Variants in LINGO2 observed in about 807,000 individuals in gnomAD.
LINGO2 encodes leucine rich repeat and Ig domain containing 2.
LINGO2 carries 14 observed loss-of-function variants against 30.6 expected under a neutral mutation model. The ratio of observed to expected loss-of-function variants is 0.46; its 90% CI spans 0.30 to 0.72. LINGO2 has a LOEUF of 0.72. Ranked by LOEUF, LINGO2 falls within the 30% of genes least tolerant of loss-of-function variation. The pLI is 0.07. For synonymous variants in LINGO2, 317 were observed against 288.5 expected, an observed-to-expected ratio of 1.10 and a Z score of -1.00; for missense variants, 729 against 751.7, an observed-to-expected ratio of 0.97 and a Z score of 0.35.
chr9:29,003,446 G>C, the LINGO2 span, among the ~76,000 whole-genome samples: 2 of 151,896 alleles, frequency 1.3e-5, no homozygotes, highest in South Asian at 2.1e-4. Context: ...ACAAGAAAGA[G>C]ACAAGGAAAC....
chr9:28,407,229 AG>A (rs1822549433), intron 2 of LINGO2, among the ~76,000 whole-genome samples: 1 of 147,936 alleles, frequency 6.8e-6, no homozygotes, highest in Non-Finnish European at 1.5e-5. Flanking sequence ...TAAAAAAAGG[AG>A]GGAGGGGCAG....
At chr9:28,209,730 G>A (rs1206534801) in intron 4 of LINGO2, among the ~76,000 whole-genome samples, 1 of 151,576 alleles carries the variant, frequency 6.6e-6, no homozygotes, top group Non-Finnish European at 1.5e-5. Flanking sequence ...AAGGAAATCA[G>A]AGCTGTTCTA....
Position 28,068,036 on chromosome 9 carries a change from A to G in LINGO2, c.-86-55631T>C, listed in dbSNP as rs572788141. ...TGTGGCATAGTGCTTTGGGGCATCA[A>G]TTAGTTCTCTGGAATGACTAAAGTC... On this transcript the variant is annotated intron_variant, in intron 4 of 5. Coordinates refer to ENST00000379992, the Ensembl canonical transcript of LINGO2. 5.3e-5 allele frequency among the ~76,000 whole-genome samples: 8 copies of G among 152,246 alleles called. No individual in the cohort carries two copies. In the East Asian group the frequency reaches 5.8e-4, roughly 11 times the overall value.
the LINGO2 span, among the ~76,000 whole-genome samples, chr9:28,871,845 T>C: frequency 6.6e-6 from 1 of 152,012 alleles, no homozygotes; most frequent in East Asian, 1.9e-4. Context: ...CTAGTACTTA[T>C]CTCCTATGGT....
the LINGO2 span, among the ~76,000 whole-genome samples, chr9:28,873,391 G>GAAAAAAAAAAAAAAAAAAAAAAAAAAAA: frequency 8.1e-6 from 1 of 123,062 alleles, no homozygotes; most frequent in Non-Finnish European, 1.8e-5. Flanking sequence ...AAAAAAAAAA[G>GAAAAAAAAAAAAAAAAAAAAAAAAAAAA]AAAAAAAAAA....
the LINGO2 span, among the ~76,000 whole-genome samples, chr9:28,852,501 T>C: frequency 4.8e-4 from 73 of 152,090 alleles, no homozygotes; most frequent in Admixed American, 1.2e-3. Context: ...TGCCTACAAA[T>C]ACGGTTCTAT....
chr9:28,128,136 C>G (rs1486354593), intron 4 of LINGO2, among the ~76,000 whole-genome samples: 1 of 152,154 alleles, frequency 6.6e-6, no homozygotes, highest in African/African-American at 2.4e-5. Flanking sequence ...AAAATATACC[C>G]ATAGAGATCA....
At chr9:29,031,962 T>C in the LINGO2 span, among the ~76,000 whole-genome samples, 55 of 152,166 alleles carry the variant, frequency 3.6e-4, no homozygotes, top group Admixed American at 2.5e-3. Context: ...TTGTCAAAAA[T>C]TTCAGATGTG....
intron 1 of LINGO2, among the ~76,000 whole-genome samples, chr9:28,626,567 C>T (rs1272312210): frequency 6.6e-6 from 1 of 151,990 alleles, no homozygotes; most frequent in Non-Finnish European, 1.5e-5. Context: ...TATACAGATA[C>T]CTAGTTTAAG....
intron 5 of LINGO2, among the ~76,000 whole-genome samples, chr9:28,000,688 T>A (rs1474437880): frequency 6.6e-6 from 1 of 152,204 alleles, no homozygotes. Context: ...TCTGACGTTT[T>A]TGGATTTCAT....
At chr9:28,421,486 T>G (rs1445416089) in intron 2 of LINGO2, among the ~76,000 whole-genome samples, 1 of 126,542 alleles carries the variant, frequency 7.9e-6, no homozygotes, top group African/African-American at 2.6e-5. Flanking sequence ...AAAAACGTCT[T>G]GAAAAAAAAA....
intron 1 of LINGO2, among the ~76,000 whole-genome samples, chr9:28,629,272 G>T (rs1182902493): frequency 6.6e-6 from 1 of 152,042 alleles, no homozygotes; most frequent in African/African-American, 2.4e-5. Flanking sequence ...GGAGCCACTG[G>T]ACAATTTCCA....
the LINGO2 span, among the ~76,000 whole-genome samples, chr9:28,891,927 T>G: frequency 6.6e-6 from 1 of 151,110 alleles, no homozygotes; most frequent in Non-Finnish European, 1.5e-5. Flanking sequence ...TTTAAGATAC[T>G]TTTTTTATAA....
the LINGO2 span, among the ~76,000 whole-genome samples, chr9:29,111,930 T>C: frequency 6.7e-6 from 1 of 150,148 alleles, no homozygotes; most frequent in East Asian, 1.9e-4. Context: ...TATATGTGTG[T>C]ATATATAATG....
the LINGO2 span, among the ~76,000 whole-genome samples, chr9:28,921,157 A>G: frequency 6.6e-6 from 1 of 152,222 alleles, no homozygotes; most frequent in Admixed American, 6.5e-5. Flanking sequence ...GTGAGAAAAA[A>G]GATGTTAAAC....
intron 2 of LINGO2, among the ~76,000 whole-genome samples, chr9:28,395,099 G>A (rs984382583): frequency 6.6e-6 from 1 of 152,180 alleles, no homozygotes; most frequent in Admixed American, 6.5e-5. Flanking sequence ...CATTGGCATA[G>A]GAAACAAAAT....
intron 3 of LINGO2, among the ~76,000 whole-genome samples, chr9:28,344,146 C>T (rs573099983): frequency 6.6e-6 from 1 of 151,280 alleles, no homozygotes; most frequent in South Asian, 2.1e-4. Context: ...TTATTGGTAA[C>T]AAAAAAAATG....
rs1563879193 is a variant in LINGO2, at chr9:28,632,877, TATGTAGAG to T, written c.-365+37315_-365+37322del. On this transcript the variant is annotated intron_variant, in intron 1 of 5. Transcript: ENST00000379992. ...TTTTTTATATATATATATATATATA[TATGTAGAG>T]AGAGAGAGAGAGAGAGAGAGAGAGA... Among the ~76,000 whole-genome samples the T allele has an allele frequency of 8.4e-3, 765 of 90,682 alleles. 13 individuals carry two copies. Among genetic ancestry groups the T allele is most frequent in the East Asian group, 0.022 (60 of 2,730 alleles). The allele number at this position is 90,682 out of a possible 152,430, so 59.5% of individuals were successfully genotyped here.
At chr9:28,032,378 G>A (rs1234391064) in intron 4 of LINGO2, among the ~76,000 whole-genome samples, 2 of 152,100 alleles carry the variant, frequency 1.3e-5, no homozygotes, top group Non-Finnish European at 2.9e-5. Context: ...GATCACAGAT[G>A]GGCTCCCACT....
Sources: allele counts gnomAD v4.1 joint callset (sites outside exome capture counted in the v4.1 genomes callset), GRCh38; gene constraint gnomAD v4.1.1; transcripts MANE v1.5; gene names NCBI Gene and HGNC (gene_info 2026-07-23, HGNC 2026-07-21).